Variants in COLGALT1 observed in about 807,000 individuals in gnomAD.
COLGALT1 encodes procollagen galactosyltransferase 1.
A neutral mutation model predicts 60.8 loss-of-function variants in COLGALT1; 43 were observed. The observed-to-expected ratio is 0.71, with a 90% CI of 0.55 to 0.91. The LOEUF (loss-of-function observed/expected upper bound fraction) is 0.91. COLGALT1 is among the 40% of genes least tolerant of loss of function. COLGALT1 has a pLI of 0.00. For synonymous variants in COLGALT1, 369 were observed against 374.2 expected (o/e 0.99, Z 0.16); for missense variants, 845 against 880.0 (o/e 0.96, Z 0.50).
intron 5 of COLGALT1, chr19:17,571,891 C>T (rs2076314835): frequency 2.0e-5 from 3 of 151,914 alleles, no homozygotes; most frequent in African/African-American, 7.3e-5. Flanking sequence ...GTTGCCTAAG[C>T]TGGAGTGCAG....
At chr19:17,579,722 A>C in intron 10 of COLGALT1, 113 bp downstream of exon 10, 1 of 1,314,914 alleles carries the variant, frequency 7.6e-7, no homozygotes, top group Non-Finnish European at 1.0e-6. Context: ...CATGGCTTAG[A>C]GGCGGGGCTT....
At chr19:17,577,101 C>T in intron 6 of COLGALT1, 94 bp from the exon 7 acceptor site, 4 of 1,291,546 alleles carry the variant, frequency 3.1e-6, no homozygotes. Flanking sequence ...CCGAGCCAGT[C>T]TGACTGGGAG....
intron 3 of COLGALT1, among the ~76,000 whole-genome samples, chr19:17,565,315 C>T (rs1254266632): frequency 6.6e-6 from 1 of 151,856 alleles, no homozygotes; most frequent in African/African-American, 2.4e-5. Flanking sequence ...GTCACCATGC[C>T]CGGCTAATTA....
intron 1 of COLGALT1, chr19:17,556,586 G>C (rs1318723702): frequency 2.1e-5 from 20 of 972,096 alleles, no homozygotes; most frequent in Non-Finnish European, 2.4e-5. Context: ...CCTTTGACTG[G>C]TGACTTCTCA....
rs570336349 is a variant in COLGALT1, at chr19:17,573,874, C to T, written c.949+1272C>T. Among the ~76,000 whole-genome samples, 13 of 151,582 alleles carry T rather than the reference C, an allele frequency of 8.6e-5. No individual in the cohort carries two copies. In the East Asian group the frequency reaches 1.4e-3, roughly 16 times the overall value. The stretch of plus-strand genomic sequence containing the variant: ...GCACACACCTGTGGTCCCAGCTACT[C>T]GGGAGGCTGAGGCGAGAGGATCCCT... On this transcript the variant is annotated intron_variant, in intron 6 of 11. Coordinates refer to ENST00000252599, the MANE Select transcript of COLGALT1 (RefSeq NM_024656.4).
At position 17,580,782 on chromosome 19, in the gene COLGALT1, C is replaced by T. The variant is rs1336694035; in HGVS notation, c.1478C>T (p.Ser493Phe). 2 of 1,613,934 alleles carry T rather than the reference C, an allele frequency of 1.2e-6. No homozygotes were observed. The highest frequency in any genetic ancestry group is 2.2e-5 in the East Asian group (1 of 44,886). The change falls in exon 11 of 12, where the codon TCC (serine) becomes TTC (phenylalanine). Residue 493 changes from serine (S) to phenylalanine (F), a missense_variant. Physicochemically the swap from Ser to Phe is radical, Grantham distance 155 (BLOSUM62 -2). Transcript: ENST00000252599. The part of the protein sequence containing the change: ...RVRNLVEADY[S>F]YWTLAYVISL... ...AGGAACCTGGTGGAGGCCGACTATT[C>T]CTACTGGACCCTGGCCTACGTGATC...
At position 17,577,983 on chromosome 19, in the gene COLGALT1, C is replaced by G; in HGVS notation, c.1160C>G (p.Ala387Gly). Residue 387 changes from alanine to glycine, a missense_variant, in exon 9 of 12, where the codon GCG becomes GGG. Ala to Gly is a moderately conservative substitution (Grantham distance 60). Transcript: ENST00000252599. ...GCCATGAACACCAGCCAGGTGGAGG[C>G]GCTGGGGATCCAGATGCTGCCTGGC... ...GKAMNTSQVEALGIQMLPGYR... is the reference protein window; with the variant it reads ...GKAMNTSQVEGLGIQMLPGYR... The G allele has an allele frequency of 6.2e-7, 1 of 1,610,840 alleles. No individual in the cohort carries two copies. Among genetic ancestry groups the G allele is most frequent in the Non-Finnish European group, 8.5e-7 (1 of 1,179,002 alleles).
intron 5 of COLGALT1, among the ~76,000 whole-genome samples, chr19:17,569,301 A>G (rs1164928936): frequency 6.6e-6 from 1 of 152,198 alleles, no homozygotes; most frequent in East Asian, 1.9e-4. Flanking sequence ...TCACGTGCAT[A>G]GATTGTGAAG....
intron 3 of COLGALT1, among the ~76,000 whole-genome samples, chr19:17,563,187 C>CTTTTT (rs954111271): frequency 7.7e-5 from 9 of 117,536 alleles, no homozygotes; most frequent in Non-Finnish European, 1.0e-4. Flanking sequence ...TTTCGTGTTT[C>CTTTTT]TTTTTTTTTT....
intron 10 of COLGALT1, 34 bp from the exon 11 acceptor site, chr19:17,580,665 G>T: frequency 6.2e-7 from 1 of 1,611,086 alleles, no homozygotes; most frequent in South Asian, 1.1e-5. Context: ...CCGGAGGGCG[G>T]GAGGAGAGTG....
Position 17,567,473 on chromosome 19 carries a change from C to T in COLGALT1, c.557C>T (p.Thr186Met), listed in dbSNP as rs1439595039. 8.1e-6 allele frequency: 13 copies of T among 1,614,110 alleles called. No individual in the cohort carries two copies. The highest frequency in any genetic ancestry group is 2.2e-5 in the East Asian group (1 of 44,882). ...TLSLLIAENK[T>M]VVAPMLDSRA... Reference sequence around the variant, plus strand: ...AGCCTGCTCATCGCTGAGAACAAGACGGTGGTCGCCCCCATGCTGGATTCC... The same window carrying T: ...AGCCTGCTCATCGCTGAGAACAAGATGGTGGTCGCCCCCATGCTGGATTCC... The change falls in exon 4 of 12, where the codon ACG (threonine) becomes ATG (methionine). Residue 186 changes from threonine to methionine, a missense_variant. Transcript: ENST00000252599.
Position 17,581,669 on chromosome 19 carries a change from C to T in COLGALT1, c.*225C>T, listed in dbSNP as rs1390082834. 10 of 608,388 alleles carry T rather than the reference C, an allele frequency of 1.6e-5. No individual in the cohort carries two copies. In the East Asian group the frequency reaches 2.5e-4, roughly 15 times the overall value. 37.7% of individuals were successfully genotyped at this position (608,388 alleles called of 1,614,324 possible). On this transcript the variant is annotated 3_prime_UTR_variant, in exon 12 of 12. Transcript: ENST00000252599. ...CTTGGCCCTGGGGAATTGGGAGGAA[C>T]CAAGCCCTCTTCATCTGTTCATGTG...
chr19:17,581,105 C>G, intron 11 of COLGALT1, 72 bp from the exon 12 acceptor site: 1 of 1,546,684 alleles, frequency 6.5e-7, no homozygotes, highest in Non-Finnish European at 8.8e-7. Context: ...CTTCTTCACC[C>G]CCAATTTTTC....
intron 1 of COLGALT1, among the ~76,000 whole-genome samples, chr19:17,557,432 C>T (rs189308174): frequency 1.3e-3 from 200 of 152,084 alleles, no homozygotes; most frequent in African/African-American, 4.5e-3. Context: ...TCCCGAGTAG[C>T]TTGGGATTAC....
chr19:17,559,842 C>G (rs1279670320), intron 2 of COLGALT1, among the ~76,000 whole-genome samples: 9 of 152,150 alleles, frequency 5.9e-5, no homozygotes, highest in African/African-American at 9.6e-5. Context: ...GGCTGGAGTG[C>G]AGTGGAGTGA....
intron 9 of COLGALT1, 36 bp downstream of exon 9, chr19:17,578,125 A>G (rs776419459): frequency 6.5e-7 from 1 of 1,526,802 alleles, no homozygotes; most frequent in Non-Finnish European, 8.8e-7. Context: ...CAGAGTTATG[A>G]CTCTAGATCT....
chr19:17,577,527 C>T (rs1291540313), intron 8 of COLGALT1, 60 bp downstream of exon 8: 9 of 1,355,880 alleles, frequency 6.6e-6, no homozygotes, highest in Non-Finnish European at 8.8e-6. Flanking sequence ...GTGTAGACCT[C>T]GCTGGTAGAC....
intron 1 of COLGALT1, chr19:17,556,634 G>T: frequency 1.5e-6 from 1 of 656,822 alleles, no homozygotes; most frequent in Non-Finnish European, 1.9e-6. Flanking sequence ...AAATGGGTCC[G>T]GGTGCAGTGG....
rs760169326 is a variant in COLGALT1, at chr19:17,579,539, ATCT to A, written c.1330_1332del (p.Phe444del). ...GTTTGAGGATGACCTGCGTTTTGAG[ATCT>A]TCTTCAAGAGACGTCTGATGAACCT... On this transcript the variant is annotated inframe_deletion, in exon 10 of 12. Coordinates refer to ENST00000252599, the MANE Select transcript of COLGALT1 (RefSeq NM_024656.4). 20 of 1,613,670 alleles carry A rather than the reference ATCT, an allele frequency of 1.2e-5. No homozygotes were observed. Among genetic ancestry groups the A allele is most frequent in the East Asian group, 2.2e-5 (1 of 44,874 alleles).
Sources: gnomAD v4.1 joint callset for allele counts (sites outside exome capture counted in the v4.1 genomes callset) on GRCh38, gnomAD v4.1.1 for gene constraint, MANE v1.5 for transcripts, NCBI Gene and HGNC (gene_info 2026-07-23, HGNC 2026-07-21) for gene names.